RIC3: variants seen among roughly 807,000 people sequenced by gnomAD.
The protein encoded by RIC3 is RIC3 acetylcholine receptor chaperone, also known as protein RIC-3.
RIC3 carries 28 observed loss-of-function variants against 27.3 expected under a neutral mutation model. That is an observed-to-expected ratio of 1.02 (90% CI 0.76 to 1.41). The LOEUF (loss-of-function observed/expected upper bound fraction) is 1.41. Ranked by LOEUF, RIC3 falls within the 40% of genes most tolerant of loss-of-function variation. The probability of loss-of-function intolerance (pLI) is 0.00; values close to 1 mark genes in which losing one functional copy is unlikely to be tolerated. For synonymous variants in RIC3, 184 were observed against 160.4 expected (o/e 1.15, Z -1.11); for missense variants, 501 against 444.7 (o/e 1.13, Z -1.14).
chr11:8,123,657 A>C (rs1946702576), intron 5 of RIC3, among the ~76,000 whole-genome samples: 1 of 152,140 alleles, frequency 6.6e-6, no homozygotes, highest in Admixed American at 6.5e-5. Context: ...GAAAGATACA[A>C]ACTATCAAAA....
At chr11:8,156,144 A>T (rs1950633897) in intron 1 of RIC3, among the ~76,000 whole-genome samples, 2 of 152,218 alleles carry the variant, frequency 1.3e-5, no homozygotes, top group Non-Finnish European at 1.5e-5. Context: ...AATACACATC[A>T]ATTACCACTG....
the RIC3 span, among the ~76,000 whole-genome samples, chr11:8,093,597 A>G: frequency 6.6e-6 from 1 of 152,134 alleles, no homozygotes; most frequent in African/African-American, 2.4e-5. Flanking sequence ...CCATGGGCTC[A>G]TCCCCGCAGA....
At chr11:8,159,467 G>C (rs1448409599) in intron 1 of RIC3, among the ~76,000 whole-genome samples, 1 of 152,142 alleles carries the variant, frequency 6.6e-6, no homozygotes, top group Non-Finnish European at 1.5e-5. Flanking sequence ...AGAGATGTGA[G>C]TTGACTTAAG....
At chr11:8,101,613 C>T (rs199733844), downstream of RIC3, 173 of 1,614,138 alleles carry the variant, frequency 1.1e-4, no homozygotes, top group Non-Finnish European at 1.4e-4. Context: ...AGCTGGCGTG[C>T]GAGTAGAGGC....
At chr11:8,158,375 T>G (rs1416041791) in intron 1 of RIC3, among the ~76,000 whole-genome samples, 1 of 151,990 alleles carries the variant, frequency 6.6e-6, no homozygotes, top group African/African-American at 2.4e-5. Flanking sequence ...CCAGATACAG[T>G]GTTACTGTGG....
intron 1 of RIC3, among the ~76,000 whole-genome samples, chr11:8,163,702 A>T (rs1284348813): frequency 6.6e-6 from 1 of 152,118 alleles, no homozygotes; most frequent in East Asian, 1.9e-4. Context: ...TTAAAGACCT[A>T]GATAAATAAA....
In RIC3 at chr11:8,140,076, C is replaced by CCTTT; in HGVS notation, c.238_241dup (p.Gly81GlufsTer12). 6.2e-7 allele frequency: 1 copy of CCTTT among 1,614,122 alleles called. No homozygotes were observed. The highest frequency in any genetic ancestry group is 8.5e-7 in the Non-Finnish European group (1 of 1,180,034). ...TCCTCCTCCAGCACCTCCACCTGAT[C>CCTTT]CTTTGGCCTTTGCAAATGCCTCGGC... On this transcript the variant is annotated frameshift_variant, in exon 2 of 6. Transcript: ENST00000309737. LOFTEE classifies it high-confidence loss of function.
At chr11:8,118,527 T>TAAAAAA (rs11378233) in intron 5 of RIC3, among the ~76,000 whole-genome samples, 8 of 66,676 alleles carry the variant, frequency 1.2e-4, no homozygotes, top group South Asian at 6.2e-4. Flanking sequence ...GCCATAATTG[T>TAAAAAA]AAAAAAAAAA....
At chr11:8,096,572 T>G in the RIC3 span, 1 of 746,162 alleles carries the variant, frequency 1.3e-6, no homozygotes, top group Non-Finnish European at 2.4e-6. Context: ...TGTGCATAAG[T>G]TTGTGGGGGT....
chr11:8,149,176 G>C (rs1024867353), intron 1 of RIC3, among the ~76,000 whole-genome samples: 1 of 151,584 alleles, frequency 6.6e-6, no homozygotes, highest in South Asian at 2.1e-4. Flanking sequence ...CTGGGTGACA[G>C]AGCGAGACTC....
downstream of RIC3, chr11:8,104,746 CAT>C (rs1944464687): frequency 6.6e-6 from 1 of 152,118 alleles, no homozygotes; most frequent in South Asian, 2.1e-4. Flanking sequence ...TGAAATTGAA[CAT>C]ACTCTAGTGA....
intron 5 of RIC3, among the ~76,000 whole-genome samples, chr11:8,120,929 G>C (rs560370550): frequency 6.6e-6 from 1 of 152,134 alleles, no homozygotes; most frequent in South Asian, 2.1e-4. Context: ...TTGTGTACAG[G>C]TGAAAAATAT....
intron 1 of RIC3, among the ~76,000 whole-genome samples, chr11:8,150,737 C>G (rs1034814744): frequency 5.3e-5 from 8 of 152,292 alleles, no homozygotes; most frequent in South Asian, 2.1e-4. Context: ...AACTGAGAAG[C>G]CTGGAAACAC....
the RIC3 span, chr11:8,100,968 A>C: frequency 6.2e-7 from 1 of 1,614,226 alleles, no homozygotes; most frequent in Non-Finnish European, 8.5e-7. Context: ...GCCTCCGTGA[A>C]GAACTTCCAG....
At chr11:8,124,149 A>G (rs1423771226) in intron 5 of RIC3, among the ~76,000 whole-genome samples, 1 of 152,104 alleles carries the variant, frequency 6.6e-6, no homozygotes, top group East Asian at 1.9e-4. Context: ...GCAACTCCAG[A>G]CCAAGATAAT....
At chr11:8,101,850 TTCC>T, downstream of RIC3, 1 of 482,822 alleles carries the variant, frequency 2.1e-6, no homozygotes, top group Non-Finnish European at 3.4e-6. Flanking sequence ...GAATAATTCT[TTCC>T]ATGCCACGAG....
In RIC3 at chr11:8,110,305, C is replaced by A. The variant is rs921774711; in HGVS notation, c.*393G>T. 1.2e-5 allele frequency: 4 copies of A among 325,262 alleles called. No homozygotes were observed. The highest frequency in any genetic ancestry group is 1.8e-5 in the Non-Finnish European group (3 of 168,252). 20.1% of individuals were successfully genotyped at this position (325,262 alleles called of 1,614,324 possible). On this transcript the variant is annotated 3_prime_UTR_variant, in exon 6 of 6. Transcript: ENST00000309737. ...TTGGAGTCTGAAATCTTCATTCTTG[C>A]AACCTTAAGTCCTCATCATCTGTAA...
At chr11:8,157,316 TTAAGA>T (rs1950749344) in intron 1 of RIC3, among the ~76,000 whole-genome samples, 1 of 152,242 alleles carries the variant, frequency 6.6e-6, no homozygotes, top group Admixed American at 6.5e-5. Flanking sequence ...AGATAAACTG[TTAAGA>T]TACCAGTCCT....
intron 4 of RIC3, among the ~76,000 whole-genome samples, chr11:8,134,257 A>T (rs1030939066): frequency 1.3e-5 from 2 of 151,860 alleles, no homozygotes; most frequent in African/African-American, 4.8e-5. Context: ...TTGGTTTTTT[A>T]TCCTTGCAAT....
Sources: gnomAD v4.1 joint callset for allele counts (sites outside exome capture counted in the v4.1 genomes callset) on GRCh38, gnomAD v4.1.1 for gene constraint, MANE v1.5 for transcripts, NCBI Gene and HGNC (gene_info 2026-07-23, HGNC 2026-07-21) for gene names.